Variants in DPYD observed in about 807,000 individuals in gnomAD.
DPYD encodes dihydropyrimidine dehydrogenase.
DPYD carries 109 observed loss-of-function variants against 116.2 expected under a neutral mutation model. The ratio of observed to expected loss-of-function variants is 0.94; its 90% CI spans 0.80 to 1.10. The LOEUF (loss-of-function observed/expected upper bound fraction) is 1.10, where lower values mean the gene tolerates loss of function less well. Among genes scored for constraint, DPYD ranks in the 50% least tolerant of loss-of-function variants. DPYD has a pLI of 0.00. For synonymous variants in DPYD, 440 were observed against 432.0 expected (o/e 1.02, Z -0.23); for missense variants, 1,302 against 1,254.5 (o/e 1.04, Z -0.57).
chr1:97,629,690 A>T (rs1657138474), intron 8 of DPYD, among the ~76,000 whole-genome samples: 1 of 152,070 alleles, frequency 6.6e-6, no homozygotes, highest in Non-Finnish European at 1.5e-5. Context: ...AACAAAAAAA[A>T]ACAAACAAAA....
intron 8 of DPYD, among the ~76,000 whole-genome samples, chr1:97,673,266 A>G (rs970831957): frequency 3.9e-5 from 6 of 152,158 alleles, no homozygotes; most frequent in Non-Finnish European, 8.8e-5. Context: ...GATCATGTTA[A>G]GAATTGAGCC....
At chr1:97,834,945 A>G (rs1201350170) in intron 2 of DPYD, among the ~76,000 whole-genome samples, 1 of 152,038 alleles carries the variant, frequency 6.6e-6, no homozygotes, top group Non-Finnish European at 1.5e-5. Context: ...CTGTCAATAT[A>G]TGATTTCCAG....
At chr1:97,515,607 G>C (rs2101974443) in intron 13 of DPYD, 119 bp downstream of exon 13, 2 of 877,486 alleles carry the variant, frequency 2.3e-6, no homozygotes, top group South Asian at 1.7e-5. Context: ...GTAATGATAG[G>C]TCTTGTCAAA....
At chr1:97,244,802 T>C (rs1296629538) in intron 18 of DPYD, among the ~76,000 whole-genome samples, 3 of 152,030 alleles carry the variant, frequency 2.0e-5, no homozygotes, top group Non-Finnish European at 4.4e-5. Flanking sequence ...ACTTTCAAAG[T>C]AGAGTTATTG....
chr1:97,720,323 T>C lies in DPYD; in HGVS notation c.483+1187A>G, dbSNP rs1164571103. The C allele has an allele frequency of 3.0e-6, 3 of 985,298 alleles. No homozygotes were observed. In the African/African-American group the frequency reaches 5.2e-5, roughly 17 times the overall value. The allele number at this position is 985,298 out of a possible 1,614,324, so 61.0% of individuals were successfully genotyped here. On this transcript the variant is annotated intron_variant, in intron 5 of 22. Coordinates refer to ENST00000370192, the MANE Select transcript of DPYD (RefSeq NM_000110.4). ...CTGCATCTGTGAAAGCTTGCCCTGG[T>C]TTAATGAAGAGGCAATGGGTCCCCA... is the stretch of plus-strand genomic sequence containing the variant.
intron 3 of DPYD, among the ~76,000 whole-genome samples, chr1:97,798,631 T>C (rs567085889): frequency 6.6e-6 from 1 of 151,952 alleles, no homozygotes; most frequent in African/African-American, 2.4e-5. Flanking sequence ...AATATGGGCA[T>C]AATAATAGTA....
chr1:97,139,414 A>T (rs1654046471), intron 20 of DPYD, among the ~76,000 whole-genome samples: 1 of 152,352 alleles, frequency 6.6e-6, no homozygotes, highest in African/African-American at 2.4e-5. Context: ...TCTTTTAAAG[A>T]AAAATCAAAA....
rs912870621 is a variant in DPYD at position 97,323,420 on chromosome 1, A to ATACATATGTGTATATGTACACGTATG, written c.2059-17124_2059-17123insCATACGTGTACATATACACATATGTA. Among the ~76,000 whole-genome samples, 71 of 72,568 alleles carry ATACATATGTGTATATGTACACGTATG rather than the reference A, an allele frequency of 9.8e-4. 2 individuals carry two copies. Among genetic ancestry groups the ATACATATGTGTATATGTACACGTATG allele is most frequent in the African/African-American group, 1.9e-3 (42 of 21,580 alleles). The allele number at this position is 72,568 out of a possible 152,430, so 47.6% of individuals were successfully genotyped here. A position where few individuals can be genotyped will look rare whatever the true frequency, so the allele number is the denominator to read the frequency against. Reference sequence around the variant, plus strand: ...TACATATGTGTATATGTACACGTATATATACATATGTGTATATGTACACGT... The same window carrying ATACATATGTGTATATGTACACGTATG: ...TACATATGTGTATATGTACACGTATATACATATGTGTATATGTACACGTATGTATACATATGTGTATATGTACACGT... On this transcript the variant is annotated intron_variant, in intron 16 of 22. Coordinates refer to ENST00000370192, the MANE Select transcript of DPYD (RefSeq NM_000110.4).
intron 2 of DPYD, among the ~76,000 whole-genome samples, chr1:97,877,129 C>A (rs12062845): frequency 0.21 from 31,577 of 151,856 alleles, 3,456 homozygotes; most frequent in South Asian, 0.23. Flanking sequence ...CTTCTCTGAA[C>A]CCCAGTGTTG....
chr1:97,189,764 A>T (rs909527458), intron 20 of DPYD, among the ~76,000 whole-genome samples: 3 of 152,178 alleles, frequency 2.0e-5, no homozygotes, highest in African/African-American at 7.2e-5. Context: ...GGATTTTAGA[A>T]ATGTAAAATG....
At chr1:97,829,473 A>T (rs1053157455) in intron 2 of DPYD, among the ~76,000 whole-genome samples, 3 of 152,132 alleles carry the variant, frequency 2.0e-5, no homozygotes, top group Non-Finnish European at 4.4e-5. Flanking sequence ...GGGTATATAC[A>T]TTAAAAGTAT....
At chr1:97,080,776 T>C (rs1649097595) in intron 22 of DPYD, among the ~76,000 whole-genome samples, 1 of 152,190 alleles carries the variant, frequency 6.6e-6, no homozygotes, top group Non-Finnish European at 1.5e-5. Context: ...TTAAAAATTT[T>C]GGCTTTCTAT....
chr1:97,602,583 C>T (rs1655323188), intron 8 of DPYD, among the ~76,000 whole-genome samples: 3 of 151,838 alleles, frequency 2.0e-5, no homozygotes, highest in Admixed American at 2.0e-4. Context: ...TGGTCTCATA[C>T]TTTTTACTTC....
intron 11 of DPYD, among the ~76,000 whole-genome samples, chr1:97,564,893 A>T (rs1652408307): frequency 6.6e-6 from 1 of 151,946 alleles, no homozygotes; most frequent in Non-Finnish European, 1.5e-5. Flanking sequence ...GTAGTTCCAC[A>T]CTCCTGATGT....
intron 14 of DPYD, among the ~76,000 whole-genome samples, chr1:97,412,212 C>G (rs931390267): frequency 6.6e-6 from 1 of 152,156 alleles, no homozygotes; most frequent in Non-Finnish European, 1.5e-5. Context: ...AAAGCAAACT[C>G]TGAAGGACGT....
intron 10 of DPYD, among the ~76,000 whole-genome samples, chr1:97,579,529 G>A (rs1163052448): frequency 6.6e-6 from 1 of 152,196 alleles, no homozygotes; most frequent in African/African-American, 2.4e-5. Context: ...GGACCAAATT[G>A]ACCTGTGGTC....
intron 13 of DPYD, among the ~76,000 whole-genome samples, chr1:97,504,941 A>G (rs1348078067): frequency 6.6e-6 from 1 of 151,810 alleles, no homozygotes; most frequent in Non-Finnish European, 1.5e-5. Flanking sequence ...GTGTCCATTG[A>G]GTAAAATTCT....
At chr1:97,265,526 A>C (rs1664172431) in intron 18 of DPYD, 1 of 152,214 alleles carries the variant, frequency 6.6e-6, no homozygotes, top group African/African-American at 2.4e-5. Flanking sequence ...ATTGAATCAG[A>C]GCATTTTAAC....
chr1:97,475,036 G>A (rs564260196), intron 13 of DPYD, among the ~76,000 whole-genome samples: 9 of 152,136 alleles, frequency 5.9e-5, no homozygotes, highest in East Asian at 1.9e-4. Flanking sequence ...ATTAGCACAC[G>A]TAATAAAAAT....
Sources: allele counts gnomAD v4.1 joint callset (sites outside exome capture counted in the v4.1 genomes callset), GRCh38; gene constraint gnomAD v4.1.1; transcripts MANE v1.5; gene names NCBI Gene and HGNC (gene_info 2026-07-23, HGNC 2026-07-21).